Variants in NKAIN2 observed in about 807,000 individuals in gnomAD.
NKAIN2 encodes the protein sodium/potassium transporting ATPase interacting 2.
NKAIN2 carries 14 observed loss-of-function variants against 32.6 expected under a neutral mutation model. The ratio of observed to expected loss-of-function variants is 0.43; its 90% CI spans 0.28 to 0.67. The LOEUF (loss-of-function observed/expected upper bound fraction) is 0.67. NKAIN2 is among the 30% of genes least tolerant of loss of function. NKAIN2 has a pLI of 0.17. For missense variants in NKAIN2, 198 were observed against 258.3 expected, an observed-to-expected ratio of 0.77 and a Z score of 1.60; for synonymous variants, 80 against 87.2, an observed-to-expected ratio of 0.92 and a Z score of 0.46.
intron 3 of NKAIN2, among the ~76,000 whole-genome samples, chr6:124,652,647 G>T (rs1484746843): frequency 6.6e-6 from 1 of 152,126 alleles, no homozygotes; most frequent in East Asian, 1.9e-4. Flanking sequence ...CTAAAATCAA[G>T]GGGCCGGCAT....
At chr6:123,974,533 T>G (rs1562286052) in intron 1 of NKAIN2, among the ~76,000 whole-genome samples, 1 of 152,182 alleles carries the variant, frequency 6.6e-6, no homozygotes, top group Admixed American at 6.6e-5. Flanking sequence ...GAGTATCAGA[T>G]TCTGTGAATA....
At chr6:124,250,397 C>G (rs551074142) in intron 1 of NKAIN2, among the ~76,000 whole-genome samples, 3 of 152,074 alleles carry the variant, frequency 2.0e-5, no homozygotes, top group Non-Finnish European at 4.4e-5. Context: ...TACAACTAGG[C>G]ATACCATAAT....
chr6:124,243,200 G>A (rs1480674857), intron 1 of NKAIN2, among the ~76,000 whole-genome samples: 1 of 151,876 alleles, frequency 6.6e-6, no homozygotes, highest in Non-Finnish European at 1.5e-5. Context: ...AGATGAAGAG[G>A]AAGATGTTGG....
chr6:124,758,451 C>A (rs1437806564), intron 4 of NKAIN2, among the ~76,000 whole-genome samples: 3 of 152,144 alleles, frequency 2.0e-5, no homozygotes, highest in Non-Finnish European at 2.9e-5. Context: ...AATCTGCCGG[C>A]ACCTTAATCT....
intron 1 of NKAIN2, among the ~76,000 whole-genome samples, chr6:124,181,493 C>T (rs1232306516): frequency 6.6e-6 from 1 of 152,088 alleles, no homozygotes; most frequent in African/African-American, 2.4e-5. Context: ...AACTTTTATG[C>T]TCTGCTTGCC....
chr6:124,105,104 G>T (rs112163466), intron 1 of NKAIN2, among the ~76,000 whole-genome samples: 40 of 152,316 alleles, frequency 2.6e-4, no homozygotes, highest in African/African-American at 8.9e-4. Context: ...TAGTCAGCAG[G>T]ATGATATAGC....
chr6:124,013,120 A>C (rs9388297), intron 1 of NKAIN2, among the ~76,000 whole-genome samples: 16,222 of 152,164 alleles, frequency 0.11, 1,465 homozygotes, highest in African/African-American at 0.25. Context: ...TTGCTATATG[A>C]CTTTCCTGGT....
intron 1 of NKAIN2, among the ~76,000 whole-genome samples, chr6:124,039,386 C>T (rs560919572): frequency 9.2e-5 from 14 of 151,392 alleles, no homozygotes; most frequent in East Asian, 3.9e-4. Flanking sequence ...ACTGCAAATG[C>T]GTTATATATA....
rs9491023 is a variant in NKAIN2 at position 123,967,046 on chromosome 6, A to T, written c.54+162792A>T. ...GATTAATTTAGAGATATCTATACTT[A>T]CAGTCCCCTTCATTAGATCCCAAAG... is the stretch of plus-strand genomic sequence containing the variant. On this transcript the variant is annotated intron_variant, in intron 1 of 6. Transcript: ENST00000368417. Among the ~76,000 whole-genome samples, 278 of 152,324 alleles carry T rather than the reference A, an allele frequency of 1.8e-3. 3 individuals are homozygous for T. Among genetic ancestry groups the T allele is most frequent in the African/African-American group, 6.3e-3 (260 of 41,570 alleles).
chr6:124,359,789 G>A (rs1173325239), intron 3 of NKAIN2, among the ~76,000 whole-genome samples: 1 of 152,082 alleles, frequency 6.6e-6, no homozygotes, highest in Non-Finnish European at 1.5e-5. Context: ...GATTGCTCTG[G>A]CCAGAACTTC....
At chr6:124,523,596 G>A (rs1259786843) in intron 3 of NKAIN2, among the ~76,000 whole-genome samples, 1 of 151,970 alleles carries the variant, frequency 6.6e-6, no homozygotes, top group Non-Finnish European at 1.5e-5. Context: ...TTAGATCTTG[G>A]CAAAATTAAA....
At chr6:124,611,350 TTTTGTTTG>T (rs141225329) in intron 3 of NKAIN2, among the ~76,000 whole-genome samples, 5 of 152,082 alleles carry the variant, frequency 3.3e-5, no homozygotes, top group African/African-American at 1.2e-4. Flanking sequence ...CGCCATTTTA[TTTTGTTTG>T]TTTGTTTGTT....
At chr6:124,146,748 C>CCTTGAGAGAGG (rs1787429232) in intron 1 of NKAIN2, among the ~76,000 whole-genome samples, 1 of 152,056 alleles carries the variant, frequency 6.6e-6, no homozygotes, top group Non-Finnish European at 1.5e-5. Context: ...AAACACAAAT[C>CCTTGAGAGAGG]ACAAAAAATA....
At chr6:124,495,630 T>C (rs1024032249) in intron 3 of NKAIN2, among the ~76,000 whole-genome samples, 1 of 152,170 alleles carries the variant, frequency 6.6e-6, no homozygotes, top group African/African-American at 2.4e-5. Flanking sequence ...ATATCCTTTG[T>C]AGTCCCAGAC....
At chr6:124,479,856 C>CA (rs931942870) in intron 3 of NKAIN2, among the ~76,000 whole-genome samples, 1 of 151,284 alleles carries the variant, frequency 6.6e-6, no homozygotes, top group Non-Finnish European at 1.5e-5. Flanking sequence ...ACAATAACAA[C>CA]AAAAAAAGCA....
At chr6:123,919,851 G>C (rs564557888) in intron 1 of NKAIN2, among the ~76,000 whole-genome samples, 1 of 152,166 alleles carries the variant, frequency 6.6e-6, no homozygotes, top group South Asian at 2.1e-4. Context: ...TAAAGAGCCT[G>C]GCTACCATGA....
chr6:124,817,280 G>A (rs552463428), intron 5 of NKAIN2, among the ~76,000 whole-genome samples: 2 of 151,922 alleles, frequency 1.3e-5, no homozygotes, highest in Non-Finnish European at 2.9e-5. Context: ...GTTAGTATCA[G>A]TGTATTTTAT....
At chr6:124,017,741 A>G (rs900730780) in intron 1 of NKAIN2, among the ~76,000 whole-genome samples, 2 of 152,120 alleles carry the variant, frequency 1.3e-5, no homozygotes, top group African/African-American at 2.4e-5. Context: ...GGCCTTCTGC[A>G]GCTCTACCTC....
At chr6:124,784,785 G>A (rs189179314) in intron 4 of NKAIN2, among the ~76,000 whole-genome samples, 11 of 152,096 alleles carry the variant, frequency 7.2e-5, no homozygotes, top group Middle Eastern at 3.4e-3. Context: ...TGGTAGTTGC[G>A]TGTTTAGTTT....
Sources: allele counts gnomAD v4.1 joint callset (sites outside exome capture counted in the v4.1 genomes callset), GRCh38; gene constraint gnomAD v4.1.1; transcripts MANE v1.5; gene names NCBI Gene and HGNC (gene_info 2026-07-23, HGNC 2026-07-21).